Variants in DOCK11 observed in about 807,000 individuals in gnomAD.
DOCK11 encodes dedicator of cytokinesis 11, also known as dedicator of cytokinesis protein 11.
Under a neutral mutation model 169.1 loss-of-function variants are expected in DOCK11, and 70 were observed. That is an observed-to-expected ratio of 0.41 (90% CI 0.34 to 0.51). The LOEUF is 0.51. Ranked by LOEUF, DOCK11 falls within the 20% of genes least tolerant of loss-of-function variation. DOCK11 has a pLI of 0.10. For missense variants in DOCK11, 1,166 were observed against 1,538.8 expected (o/e 0.76, Z 4.05); for synonymous variants, 529 against 541.3 (o/e 0.98, Z 0.32).
At chrX:118,611,767 T>A (rs1015090436) in intron 28 of DOCK11, among the ~76,000 whole-genome samples, 2 of 111,861 alleles carry the variant, frequency 1.8e-5, no homozygotes, top group Admixed American at 9.5e-5. Context: ...CATTTTTTTT[T>A]AATTTGAGAC....
rs1200542663 is a variant in DOCK11, at chrX:118,593,191, G to A, written c.2140-23G>A. The A allele has an allele frequency of 3.4e-6, 4 of 1,184,295 alleles. No homozygotes were observed. The Admixed American group carries it at 7.1e-5, about 21-fold the overall frequency. On this transcript the variant is annotated intron_variant, in intron 19 of 52. Coordinates refer to ENST00000276202, the MANE Select transcript of DOCK11 (RefSeq NM_144658.4). ...TCAGCTTGAGAAAACGAAGTTCCAT[G>A]TGTAATTTTGCTTTCATTTCAGATT...
intron 26 of DOCK11, 134 bp downstream of exon 26, chrX:118,608,490 C>G: frequency 2.5e-6 from 2 of 814,966 alleles, no homozygotes; most frequent in South Asian, 6.4e-5. Flanking sequence ...GCCCATGCAT[C>G]CTTTTCCTGA....
At chrX:118,670,602 AGTT>A (rs1455359682) in intron 45 of DOCK11, among the ~76,000 whole-genome samples, 1 of 112,087 alleles carries the variant, frequency 8.9e-6, no homozygotes, top group Non-Finnish European at 1.9e-5. Context: ...AGCTTGAAAA[AGTT>A]GTCAAATTTT....
At chrX:118,559,884 T>C (rs1199333648) in intron 6 of DOCK11, among the ~76,000 whole-genome samples, 1 of 111,060 alleles carries the variant, frequency 9.0e-6, no homozygotes, top group Non-Finnish European at 1.9e-5. Flanking sequence ...ATATGAGATA[T>C]GTACATATAT....
Position 118,496,012 on chromosome X carries a change from C to T in DOCK11, c.41C>T (p.Pro14Leu). ...AAATTCACCAAACGGCTCAGCAAGC[C>T]TGGCACGGCGGCTGAGCTCCGGCAG... ...VRKFTKRLSK[P>L]GTAAELRQSV... Residue 14 changes from proline (P) to leucine (L), a missense_variant, in exon 1 of 53, where the codon CCT (proline) becomes CTT (leucine). Transcript: ENST00000276202. 1 of 1,097,994 alleles carries T rather than the reference C, an allele frequency of 9.1e-7. No homozygotes were observed. 90.5% of individuals were successfully genotyped at this position (1,097,994 alleles called of 1,213,427 possible).
chrX:118,533,912 C>A (rs1272182597), intron 1 of DOCK11, among the ~76,000 whole-genome samples: 1 of 111,995 alleles, frequency 8.9e-6, no homozygotes, highest in Non-Finnish European at 1.9e-5. Context: ...GAATTATTTG[C>A]AATAATTTGT....
intron 36 of DOCK11, among the ~76,000 whole-genome samples, chrX:118,637,538 T>C (rs2015422496): frequency 9.0e-6 from 1 of 111,089 alleles, no homozygotes; most frequent in Non-Finnish European, 1.9e-5. Flanking sequence ...GGCAGGAGGA[T>C]CACTTGAGCC....
intron 46 of DOCK11, 143 bp from the exon 47 acceptor site, chrX:118,675,793 A>G: frequency 2.8e-6 from 1 of 355,536 alleles, no homozygotes. Context: ...TTTGATTGTT[A>G]CAAAGGGAGA....
intron 27 of DOCK11, 81 bp from the exon 28 acceptor site, chrX:118,610,191 A>G (rs2014644688): frequency 4.2e-6 from 4 of 956,978 alleles, no homozygotes; most frequent in Non-Finnish European, 5.9e-6. Flanking sequence ...ATTTATTTGT[A>G]GAATGTGTTT....
chrX:118,507,417 G>A (rs928574210), intron 1 of DOCK11, among the ~76,000 whole-genome samples: 1 of 108,816 alleles, frequency 9.2e-6, no homozygotes, highest in South Asian at 4.1e-4. Context: ...ACCCAGGCTG[G>A]AGTGCAGTGG....
chrX:118,633,963 C>T (rs1402353021), intron 35 of DOCK11: 1 of 112,744 alleles, frequency 8.9e-6, no homozygotes, highest in Non-Finnish European at 1.9e-5. Flanking sequence ...TAGTCTTTCT[C>T]TAGCGCAAGC....
intron 46 of DOCK11, among the ~76,000 whole-genome samples, chrX:118,674,209 G>C (rs1445485710): frequency 9.0e-6 from 1 of 111,155 alleles, no homozygotes; most frequent in Admixed American, 9.6e-5. Flanking sequence ...GGAGTACAAT[G>C]GCATGATCTC....
intron 1 of DOCK11, among the ~76,000 whole-genome samples, chrX:118,532,339 T>A (rs749939906): frequency 7.2e-5 from 8 of 111,300 alleles, no homozygotes; most frequent in African/African-American, 2.0e-4. Flanking sequence ...GTAAGCTTAA[T>A]TGAACTTGAC....
intron 45 of DOCK11, among the ~76,000 whole-genome samples, chrX:118,663,602 G>A (rs1175122954): frequency 2.8e-5 from 3 of 107,254 alleles, no homozygotes; most frequent in Non-Finnish European, 5.8e-5. Context: ...AAGAGTATTA[G>A]TTGAGGCCAG....
chrX:118,523,302 A>G (rs1375965719), intron 1 of DOCK11, among the ~76,000 whole-genome samples: 1 of 112,438 alleles, frequency 8.9e-6, no homozygotes, highest in Non-Finnish European at 1.9e-5. Flanking sequence ...GTTGTTTAAC[A>G]TTGAAATTTC....
At chrX:118,544,310 T>C (rs1411006977) in intron 4 of DOCK11, among the ~76,000 whole-genome samples, 1 of 111,603 alleles carries the variant, frequency 9.0e-6, no homozygotes, top group Admixed American at 9.6e-5. Flanking sequence ...GGAGCCAGAC[T>C]GTTGGGGCTC....
chrX:118,586,886 A>G (rs1376877883), intron 16 of DOCK11, among the ~76,000 whole-genome samples: 1 of 93,409 alleles, frequency 1.1e-5, no homozygotes, highest in Admixed American at 1.1e-4. Context: ...AATTGTGTTG[A>G]CTGTGGTAAT....
At chrX:118,621,657 G>A (rs754445288) in intron 31 of DOCK11, among the ~76,000 whole-genome samples, 11 of 109,190 alleles carry the variant, frequency 1.0e-4, no homozygotes, top group Non-Finnish European at 9.5e-5. Flanking sequence ...TTTTTGTGAC[G>A]GAGTCTCGCT....
chrX:118,647,182 T>C (rs1349213645), intron 40 of DOCK11, among the ~76,000 whole-genome samples: 2 of 103,790 alleles, frequency 1.9e-5, no homozygotes, highest in African/African-American at 7.4e-5. Context: ...TGTGTGTGTG[T>C]GTGTGTATCT....
Sources: gnomAD v4.1 joint callset for allele counts (sites outside exome capture counted in the v4.1 genomes callset) on GRCh38, gnomAD v4.1.1 for gene constraint, MANE v1.5 for transcripts, NCBI Gene and HGNC (gene_info 2026-07-23, HGNC 2026-07-21) for gene names.